The following GPR39 variants were observed in gnomAD, a reference collection of about 807,000 sequenced individuals.
GPR39 encodes G protein-coupled receptor 39, also known as zinc sensing receptor.
Under a neutral mutation model 18.4 loss-of-function variants are expected in GPR39, and 23 were observed. The observed-to-expected ratio is 1.25, with a 90% CI of 0.90 to 1.77. The LOEUF (loss-of-function observed/expected upper bound fraction) is 1.77, where lower values mean the gene tolerates loss of function less well. Among genes scored for constraint, GPR39 ranks in the 40% most tolerant of loss-of-function variants. The pLI is 0.00. For missense variants in GPR39, 647 were observed against 602.4 expected, an observed-to-expected ratio of 1.07 and a Z score of -0.78; for synonymous variants, 280 against 257.9, an observed-to-expected ratio of 1.09 and a Z score of -0.82.
chr2:132,590,818 CGT>C (rs3066458), intron 1 of GPR39, among the ~76,000 whole-genome samples: 9,427 of 143,802 alleles, frequency 0.066, 400 homozygotes, highest in African/African-American at 0.12. Flanking sequence ...AAGTATTGTT[CGT>C]GTGTGTGTGT....
At chr2:132,545,655 C>CGTGTGTGTGTGTGTGTGTGT (rs35108024) in intron 1 of GPR39, among the ~76,000 whole-genome samples, 9 of 149,850 alleles carry the variant, frequency 6.0e-5, no homozygotes, top group African/African-American at 2.0e-4. Flanking sequence ...GTGTGATGGG[C>CGTGTGTGTGTGTGTGTGTGT]GTGTGTGTGT....
chr2:132,440,050 C>T (rs979443412), intron 1 of GPR39, among the ~76,000 whole-genome samples: 1 of 152,138 alleles, frequency 6.6e-6, no homozygotes, highest in Non-Finnish European at 1.5e-5. Flanking sequence ...TATCTTGTGA[C>T]CACAGAACCC....
At position 132,481,840 on chromosome 2, in the gene GPR39, C is replaced by T. The variant is rs944611054; in HGVS notation, c.856+63942C>T. On this transcript the variant is annotated intron_variant, in intron 1 of 1. Transcript: ENST00000329321. ...GAAGAAGATGAAATTCACAGCAATG[C>T]TCCAGCCTCAGCATGCCCTCCCAGG... Among the ~76,000 whole-genome samples the T allele has an allele frequency of 2.6e-5, 4 of 152,324 alleles. No individual in the cohort carries two copies. The South Asian group carries it at 8.3e-4, about 32-fold the overall frequency.
chr2:132,528,815 C>T (rs1679557478), intron 1 of GPR39, among the ~76,000 whole-genome samples: 1 of 152,150 alleles, frequency 6.6e-6, no homozygotes. Flanking sequence ...AGTTTTTTAT[C>T]AGCTTAAGGA....
intron 1 of GPR39, among the ~76,000 whole-genome samples, chr2:132,553,180 TGG>T (rs1435061855): frequency 5.3e-5 from 8 of 151,540 alleles, no homozygotes; most frequent in Admixed American, 1.3e-4. Flanking sequence ...CCCAAAGTGC[TGG>T]GATTACAGGC....
At chr2:132,575,062 A>G (rs1450116602) in intron 1 of GPR39, among the ~76,000 whole-genome samples, 1 of 152,058 alleles carries the variant, frequency 6.6e-6, no homozygotes, top group Non-Finnish European at 1.5e-5. Context: ...CCCTTTTTAT[A>G]CAAATATAAT....
chr2:132,550,516 T>A (rs898583012), intron 1 of GPR39, among the ~76,000 whole-genome samples: 4 of 152,244 alleles, frequency 2.6e-5, no homozygotes, highest in African/African-American at 7.2e-5. Flanking sequence ...CAAAGGCATA[T>A]GGCTTTGTCC....
At chr2:132,429,020 A>G (rs750385136) in intron 1 of GPR39, among the ~76,000 whole-genome samples, 1 of 152,214 alleles carries the variant, frequency 6.6e-6, no homozygotes, top group African/African-American at 2.4e-5. Context: ...CTGTTGTTCA[A>G]AGTTCTTCCT....
chr2:132,519,342 C>T (rs944281668), intron 1 of GPR39, among the ~76,000 whole-genome samples: 1 of 152,162 alleles, frequency 6.6e-6, no homozygotes, highest in Non-Finnish European at 1.5e-5. Context: ...AGCCTGACTT[C>T]CCACTAGTAC....
intron 1 of GPR39, among the ~76,000 whole-genome samples, chr2:132,505,033 T>C (rs7575738): frequency 0.44 from 67,467 of 152,064 alleles, 15,825 homozygotes; most frequent in Non-Finnish European, 0.51. Context: ...GTCTGTCTTC[T>C]GTTGCCTATA....
intron 1 of GPR39, among the ~76,000 whole-genome samples, chr2:132,606,367 A>T (rs980084228): frequency 6.6e-6 from 1 of 152,244 alleles, no homozygotes; most frequent in Non-Finnish European, 1.5e-5. Flanking sequence ...ATGTTCAGCT[A>T]GCAGCAAGTA....
At chr2:132,552,845 T>C (rs367667731) in intron 1 of GPR39, among the ~76,000 whole-genome samples, 275 of 116,610 alleles carry the variant, frequency 2.4e-3, no homozygotes, top group African/African-American at 6.6e-3. Context: ...TATATATATA[T>C]ACACACATAT....
intron 1 of GPR39, among the ~76,000 whole-genome samples, chr2:132,487,631 A>C (rs1681367337): frequency 6.6e-6 from 1 of 152,330 alleles, no homozygotes; most frequent in African/African-American, 2.4e-5. Flanking sequence ...TGAAAATTAT[A>C]ATAGTCAAAA....
At chr2:132,462,600 C>A (rs1231350109) in intron 1 of GPR39, among the ~76,000 whole-genome samples, 1 of 152,212 alleles carries the variant, frequency 6.6e-6, no homozygotes, top group African/African-American at 2.4e-5. Context: ...CCATTTTCTA[C>A]AGCTCTTTCC....
At chr2:132,507,893 C>G (rs1679164451) in intron 1 of GPR39, among the ~76,000 whole-genome samples, 1 of 152,182 alleles carries the variant, frequency 6.6e-6, no homozygotes, top group African/African-American at 2.4e-5. Flanking sequence ...GAACGTGTCG[C>G]CCTCCCAGCA....
chr2:132,636,304 CCCCAGGTTGGGTTGGAAGGCCAGG>C (rs1681754979), intron 1 of GPR39, among the ~76,000 whole-genome samples: 1 of 152,208 alleles, frequency 6.6e-6, no homozygotes, highest in Non-Finnish European at 1.5e-5. Flanking sequence ...TGCTGGGCCT[CCCCAGGTTGGGTTGGAAGGCCAGG>C]CCCTGGCTAG....
chr2:132,557,997 G>T (rs1027541552), intron 1 of GPR39, among the ~76,000 whole-genome samples: 2 of 151,988 alleles, frequency 1.3e-5, no homozygotes, highest in East Asian at 1.9e-4. Flanking sequence ...GTGGTGGGGT[G>T]GGGGTGGTCC....
At chr2:132,609,787 C>T (rs939997880) in intron 1 of GPR39, among the ~76,000 whole-genome samples, 7 of 152,180 alleles carry the variant, frequency 4.6e-5, no homozygotes, top group Admixed American at 1.3e-4. Flanking sequence ...CAGTCTTTCC[C>T]GCTCAACCTC....
intron 1 of GPR39, among the ~76,000 whole-genome samples, chr2:132,506,667 G>T (rs11694982): frequency 0.39 from 58,939 of 151,866 alleles, 12,095 homozygotes; most frequent in East Asian, 0.79. Flanking sequence ...AAAACCATCA[G>T]ATCTTGTGAG....
Sources: allele counts gnomAD v4.1 joint callset (sites outside exome capture counted in the v4.1 genomes callset), GRCh38; gene constraint gnomAD v4.1.1; transcripts MANE v1.5; gene names NCBI Gene and HGNC (gene_info 2026-07-23, HGNC 2026-07-21).